DGKI: variants seen among roughly 807,000 people sequenced by gnomAD.
DGKI encodes the protein diacylglycerol kinase iota, also known as DAG kinase iota.
A neutral mutation model predicts 147.5 loss-of-function variants in DGKI; 55 were observed. The ratio of observed to expected loss-of-function variants is 0.37; its 90% CI spans 0.30 to 0.47. The LOEUF is 0.47. Among genes scored for constraint, DGKI ranks in the 20% least tolerant of loss-of-function variants. The pLI, the probability that DGKI is intolerant of heterozygous loss-of-function variation, is 1.00. For synonymous variants in DGKI, 469 were observed against 477.1 expected (o/e 0.98, Z 0.22); for missense variants, 1,007 against 1,323.8 (o/e 0.76, Z 3.71).
intron 1 of DGKI, among the ~76,000 whole-genome samples, chr7:137,729,691 T>C (rs978266578): frequency 2.0e-5 from 3 of 152,034 alleles, no homozygotes; most frequent in African/African-American, 7.2e-5. Context: ...ACAAAGTCAT[T>C]ATTAACCTTC....
At position 137,514,867 on chromosome 7, in the gene DGKI, A is replaced by G. The variant is rs116199925; in HGVS notation, c.2248+6999T>C. Among the ~76,000 whole-genome samples, 1,232 of 152,210 alleles carry G rather than the reference A, an allele frequency of 8.1e-3. 22 individuals carry two copies. The highest frequency in any genetic ancestry group is 0.028 in the African/African-American group (1,161 of 41,528). On this transcript the variant is annotated intron_variant, in intron 21 of 32. Transcript: ENST00000614521. ...CATCATTGCAACCTGAAAATGTTCT[A>G]CCTAGTAGCCAAATTTATCTAGAAT...
intron 15 of DGKI, 89 bp downstream of exon 15, chr7:137,581,761 G>A (rs534842982): frequency 2.1e-4 from 231 of 1,099,614 alleles, no homozygotes; most frequent in Non-Finnish European, 2.5e-4. Flanking sequence ...CACTGTAAAC[G>A]CGTAAGTGAT....
intron 7 of DGKI, among the ~76,000 whole-genome samples, chr7:137,622,926 A>C (rs1820801275): frequency 6.6e-6 from 1 of 152,218 alleles, no homozygotes; most frequent in East Asian, 1.9e-4. Context: ...TGTAAGAAAG[A>C]GCTACATTTC....
chr7:137,755,900 A>C (rs1296171820), intron 1 of DGKI, among the ~76,000 whole-genome samples: 1 of 152,236 alleles, frequency 6.6e-6, no homozygotes, highest in East Asian at 1.9e-4. Context: ...AATTGAAAGA[A>C]AAAGACTTGG....
At chr7:137,500,282 C>T (rs1338200618) in intron 21 of DGKI, among the ~76,000 whole-genome samples, 2 of 152,096 alleles carry the variant, frequency 1.3e-5, no homozygotes, top group East Asian at 3.9e-4. Context: ...TCTCATAATC[C>T]AGACTGTGAT....
At chr7:137,531,052 C>T (rs1037068198) in intron 20 of DGKI, among the ~76,000 whole-genome samples, 3 of 152,072 alleles carry the variant, frequency 2.0e-5, no homozygotes, top group Non-Finnish European at 2.9e-5. Flanking sequence ...TTTAAGTTCC[C>T]ACATACACTC....
chr7:137,404,762 C>T (rs867972190), intron 30 of DGKI, among the ~76,000 whole-genome samples: 1 of 152,088 alleles, frequency 6.6e-6, no homozygotes, highest in Non-Finnish European at 1.5e-5. Flanking sequence ...AAAATAAGCA[C>T]CCCCACCCCC....
At chr7:137,745,124 A>T (rs140339121) in intron 1 of DGKI, among the ~76,000 whole-genome samples, 40 of 152,348 alleles carry the variant, frequency 2.6e-4, no homozygotes, top group Admixed American at 1.2e-3. Context: ...AAATAAAAAA[A>T]ATGTAGTGCA....
chr7:137,643,086 T>G (rs983993909), intron 6 of DGKI, among the ~76,000 whole-genome samples: 1 of 151,336 alleles, frequency 6.6e-6, no homozygotes, highest in South Asian at 2.1e-4. Context: ...GGTCAGGAGA[T>G]CGAGACCATC....
At chr7:137,676,094 C>A (rs554080119) in intron 3 of DGKI, among the ~76,000 whole-genome samples, 1 of 152,020 alleles carries the variant, frequency 6.6e-6, no homozygotes, top group African/African-American at 2.4e-5. Flanking sequence ...CCTCACAGTG[C>A]GAGGTGGGGA....
At chr7:137,487,571 A>G (rs979839171) in intron 22 of DGKI, 39 bp downstream of exon 22, 6 of 1,544,212 alleles carry the variant, frequency 3.9e-6, no homozygotes, top group East Asian at 4.5e-5. Flanking sequence ...ACAAAAATGG[A>G]AAGTTGAGGA....
chr7:137,725,811 T>C (rs1263669100), intron 1 of DGKI, among the ~76,000 whole-genome samples: 1 of 152,164 alleles, frequency 6.6e-6, no homozygotes, highest in Non-Finnish European at 1.5e-5. Flanking sequence ...TTGGGAGTTT[T>C]ACATTTCTCT....
At chr7:137,609,171 G>T in intron 9 of DGKI, 107 bp from the exon 10 acceptor site, 1 of 803,242 alleles carries the variant, frequency 1.2e-6, no homozygotes, top group Non-Finnish European at 2.0e-6. Flanking sequence ...GTTTCCCAGG[G>T]CTGACTCTTA....
At chr7:137,515,127 G>T (rs944938335) in intron 21 of DGKI, among the ~76,000 whole-genome samples, 1 of 152,044 alleles carries the variant, frequency 6.6e-6, no homozygotes, top group African/African-American at 2.4e-5. Context: ...TCTGCCCAGG[G>T]ATACTCTTCT....
intron 30 of DGKI, among the ~76,000 whole-genome samples, chr7:137,403,065 T>A (rs1269808481): frequency 6.6e-6 from 1 of 150,918 alleles, no homozygotes; most frequent in African/African-American, 2.4e-5. Flanking sequence ...CCTTGGAGGG[T>A]TGGAGGGGCA....
At chr7:137,691,349 A>C (rs985161520) in intron 1 of DGKI, among the ~76,000 whole-genome samples, 1 of 152,158 alleles carries the variant, frequency 6.6e-6, no homozygotes. Flanking sequence ...CTGCAGTAAG[A>C]ATCTGCCATC....
chr7:137,598,121 T>C (rs1261518844), intron 11 of DGKI, among the ~76,000 whole-genome samples: 1 of 152,226 alleles, frequency 6.6e-6, no homozygotes, highest in Non-Finnish European at 1.5e-5. Flanking sequence ...TATTTTTGAA[T>C]GAATAATTCA....
chr7:137,644,580 C>A (rs1821762793), intron 6 of DGKI, among the ~76,000 whole-genome samples: 1 of 152,170 alleles, frequency 6.6e-6, no homozygotes, highest in Non-Finnish European at 1.5e-5. Flanking sequence ...CAATGCTTGA[C>A]CCAAAGGAGT....
chr7:137,392,122 A>G (rs913323759), intron 32 of DGKI, among the ~76,000 whole-genome samples: 4 of 152,232 alleles, frequency 2.6e-5, no homozygotes, highest in African/African-American at 9.6e-5. Flanking sequence ...TTAGTAATAT[A>G]TCATAAATTT....
Sources: allele counts gnomAD v4.1 joint callset (sites outside exome capture counted in the v4.1 genomes callset), GRCh38; gene constraint gnomAD v4.1.1; transcripts MANE v1.5; gene names NCBI Gene and HGNC (gene_info 2026-07-23, HGNC 2026-07-21).